GGT1: variants seen among roughly 807,000 people sequenced by gnomAD.
GGT1 encodes the protein glutathione hydrolase 1 proenzyme.
In GGT1, 21 loss-of-function variants were observed where a neutral mutation model predicts 56.0. The observed-to-expected ratio is 0.38, with a 90% CI of 0.27 to 0.54. The LOEUF (loss-of-function observed/expected upper bound fraction) is 0.54, where lower values mean the gene tolerates loss of function less well. Ranked by LOEUF, GGT1 falls within the 20% of genes least tolerant of loss-of-function variation. GGT1 has a pLI of 0.82. For missense variants in GGT1, 466 were observed against 787.0 expected (o/e 0.59, Z 4.88); for synonymous variants, 238 against 342.6 (o/e 0.69, Z 3.37).
At chr22:24,597,469 G>C (rs952956409) in intron 1 of GGT1, among the ~76,000 whole-genome samples, 1 of 152,146 alleles carries the variant, frequency 6.6e-6, no homozygotes, top group Non-Finnish European at 1.5e-5. Context: ...GAGGCTAGGA[G>C]TTTGAGACCA....
chr22:24,608,890 C>G (rs2046487206), intron 2 of GGT1: 1 of 152,296 alleles, frequency 6.6e-6, no homozygotes. Context: ...AACTCTTCAC[C>G]TCAGGTGATC....
At chr22:24,606,771 CA>C (rs1247095696) in intron 1 of GGT1, among the ~76,000 whole-genome samples, 1 of 152,028 alleles carries the variant, frequency 6.6e-6, no homozygotes, top group Non-Finnish European at 1.5e-5. Context: ...AATATTGGGT[CA>C]GCCTTCATGT....
chr22:24,585,487 A>C, the GGT1 span: 1 of 228,278 alleles, frequency 4.4e-6, no homozygotes. Flanking sequence ...CTTAGACTCC[A>C]TGGGGGACTT....
upstream of GGT1, among the ~76,000 whole-genome samples, chr22:24,602,817 G>T (rs938647335): frequency 6.6e-6 from 1 of 152,156 alleles, no homozygotes; most frequent in Non-Finnish European, 1.5e-5. Flanking sequence ...AGGCTCCTCA[G>T]ACCTTGTGGG....
the GGT1 span, chr22:24,589,791 C>G: frequency 6.3e-7 from 1 of 1,593,406 alleles, no homozygotes. Flanking sequence ...CCACAGTGCC[C>G]AGCCCAGGGC....
intron 7 of GGT1, among the ~76,000 whole-genome samples, chr22:24,617,857 A>C (rs2047169113): frequency 1.3e-5 from 2 of 151,652 alleles, no homozygotes; most frequent in African/African-American, 4.9e-5. Flanking sequence ...CAGGAGAGAG[A>C]GCAAAGACAG....
chr22:24,625,612 G>T (rs970413951), intron 11 of GGT1, among the ~76,000 whole-genome samples: 4 of 151,854 alleles, frequency 2.6e-5, no homozygotes. Flanking sequence ...CGCTATCTCG[G>T]CTCACTGTAA....
chr22:24,623,388 C>T (rs1477513614), intron 10 of GGT1, 132 bp downstream of exon 10: 2 of 1,118,380 alleles, frequency 1.8e-6, no homozygotes, highest in East Asian at 2.6e-5. Context: ...GAGGTGTGTC[C>T]CTGCGTCACA....
chr22:24,614,787 G>A lies in GGT1; in HGVS notation c.176G>A (p.Arg59Gln), dbSNP rs767549298. ...QCSKIGRDAL[R>Q]DGGSAVDAAI... ...GTGCCACATGGCAGGGATGCACTGC[G>A]GGACGGTGGCTCTGCGGTGGATGCA... The change falls in exon 6 of 16, where the codon CGG becomes CAG. Residue 59 changes from arginine (R) to glutamine (Q), a missense_variant. By Grantham distance (43) the Arg-to-Gln change is conservative. This residue lies in a region of GGT1 where 456 missense variants were observed against 716.7 expected (regional missense o/e 0.64). Transcript: ENST00000400382. 15 of 1,613,564 alleles carry A rather than the reference G, an allele frequency of 9.3e-6. No homozygotes were observed. The Middle Eastern group carries it at 6.7e-4, about 72-fold the overall frequency.
chr22:24,597,357 C>T (rs189209185), intron 1 of GGT1, among the ~76,000 whole-genome samples: 64 of 152,224 alleles, frequency 4.2e-4, no homozygotes, highest in South Asian at 2.1e-4. Flanking sequence ...CAAATAAGGT[C>T]GTGTGAGGAA....
chr22:24,593,155 C>G, upstream of GGT1: 1 of 982,484 alleles, frequency 1.0e-6, no homozygotes, highest in Non-Finnish European at 1.2e-6. Context: ...CGTCCGGGTC[C>G]GAAGGCTGAG....
chr22:24,627,834 G>A lies in GGT1; in HGVS notation c.1209-18G>A. On this transcript the variant is annotated intron_variant, in intron 12 of 15. Coordinates refer to ENST00000400382, the MANE Select transcript of GGT1 (RefSeq NM_001288833.2). ...GGCCAGGCAAGGTCGGGCACTGTCT[G>A]ACCTGGCTGGGCGGTAGCTTTGGCT... The A allele has an allele frequency of 6.2e-7, 1 of 1,608,370 alleles. No homozygotes were observed. The highest frequency in any genetic ancestry group is 2.2e-5 in the East Asian group (1 of 44,874).
chr22:24,602,499 G>A (rs1391664432), upstream of GGT1, among the ~76,000 whole-genome samples: 1 of 152,194 alleles, frequency 6.6e-6, no homozygotes, highest in Admixed American at 6.5e-5. Context: ...TAGAGGCTTC[G>A]GCCTGCCAGC....
upstream of GGT1, chr22:24,593,186 G>A: frequency 1.2e-6 from 1 of 838,300 alleles, no homozygotes. Flanking sequence ...ACCCCGCGCC[G>A]GAGCGAGGCC....
chr22:24,586,374 C>A, the GGT1 span: 1 of 1,613,718 alleles, frequency 6.2e-7, no homozygotes, highest in South Asian at 1.1e-5. Flanking sequence ...TCCACAGTCT[C>A]CCCTGCCAGC....
In GGT1 at chr22:24,627,506, G is replaced by A. The variant is rs199683069; in HGVS notation, c.1095G>A (p.Pro365=). ...RAQISDDTTH[P]ISYYKPEFYT... ...AGATCTCTGACGACACCACTCACCC[G>A]ATCTCCTACTACAAGCCCGAGTTCT... The change falls in exon 12 of 16, where the codon CCG becomes CCA. Residue 365 remains proline, a synonymous_variant. Coordinates refer to ENST00000400382, the MANE Select transcript of GGT1 (RefSeq NM_001288833.2). The A allele has an allele frequency of 2.2e-5, 34 of 1,578,130 alleles. No homozygotes were observed. The East Asian group carries it at 5.5e-4, about 26-fold the overall frequency.
upstream of GGT1, chr22:24,592,726 G>T: frequency 7.7e-7 from 1 of 1,298,640 alleles, no homozygotes; most frequent in Non-Finnish European, 9.9e-7. Flanking sequence ...GAACCCGCCT[G>T]CGCGCGCCAG....
rs2046581519 is a variant in GGT1, at chr22:24,610,520, T to TGCTGCTGGA, written c.-18_-10dup. 1 of 165,302 alleles carries TGCTGCTGGA rather than the reference T, an allele frequency of 6.0e-6. No individual in the cohort carries two copies. The highest frequency in any genetic ancestry group is 2.4e-5 in the African/African-American group (1 of 41,286). 10.2% of individuals were successfully genotyped at this position (165,302 alleles called of 1,614,324 possible). On this transcript the variant is annotated 5_prime_UTR_variant, in exon 4 of 16. Coordinates refer to ENST00000400382, the MANE Select transcript of GGT1 (RefSeq NM_001288833.2). ...CCAGGCAAGGCTTGGGGCCCCCGTC[T>TGCTGCTGGA]GCTGCTGGACGGTAAGTCCTGGCCC...
the GGT1 span, chr22:24,589,505 G>A: frequency 1.9e-6 from 1 of 520,560 alleles, no homozygotes; most frequent in Non-Finnish European, 2.7e-6. Flanking sequence ...GTGACCCGCA[G>A]GGTCCCCATA....
Sources: allele counts gnomAD v4.1 joint callset (sites outside exome capture counted in the v4.1 genomes callset), GRCh38; gene constraint gnomAD v4.1.1; regional missense constraint gnomAD v4.1.1; transcripts MANE v1.5; gene names NCBI Gene and HGNC (gene_info 2026-07-23, HGNC 2026-07-21).